The following GNRH1 variants were observed in gnomAD, a reference collection of about 807,000 sequenced individuals.
The protein encoded by GNRH1 is gonadotropin releasing hormone 1.
A neutral mutation model predicts 13.6 loss-of-function variants in GNRH1; 9 were observed. That is an observed-to-expected ratio of 0.66 (90% CI 0.40 to 1.15). The LOEUF (loss-of-function observed/expected upper bound fraction) is 1.15. Ranked by LOEUF, GNRH1 falls within the 50% of genes most tolerant of loss-of-function variation. GNRH1 has a pLI of 0.01. For missense variants in GNRH1, 116 were observed against 110.8 expected (o/e 1.05, Z -0.21); for synonymous variants, 44 against 40.1 (o/e 1.10, Z -0.37).
chr8:25,422,493 AG>A (rs1801786511), intron 2 of GNRH1, among the ~76,000 whole-genome samples: 2 of 152,204 alleles, frequency 1.3e-5, no homozygotes, highest in African/African-American at 4.8e-5. Flanking sequence ...GGCTGCAGTG[AG>A]CTGTGATCGT....
rs368837931 is a variant in GNRH1, at chr8:25,421,633, T to G, written c.177A>C (p.Gln59His). 6.2e-7 allele frequency: 1 copy of G among 1,605,268 alleles called. No homozygotes were observed. Among genetic ancestry groups the G allele is most frequent in the African/African-American group, 1.3e-5 (1 of 74,664 alleles). The change falls in exon 3 of 4, where the codon CAA becomes CAC. Residue 59 changes from glutamine to histidine, a missense_variant. By Grantham distance (24) the Gln-to-His change is conservative. Coordinates refer to ENST00000421054, the MANE Select transcript of GNRH1 (RefSeq NM_001083111.2). ...GCTGGTGCGTGGTGCATTCGAAGCGTTGGGTTTCTGCCAGTTGACCAACCT... is the reference window on the plus strand; with the variant it reads ...GCTGGTGCGTGGTGCATTCGAAGCGGTGGGTTTCTGCCAGTTGACCAACCT... ...VKEVGQLAET[Q>H]RFECTTHQPR...
At chr8:25,421,893 TATC>T (rs779374909) in intron 2 of GNRH1, among the ~76,000 whole-genome samples, 6 of 151,954 alleles carry the variant, frequency 3.9e-5, no homozygotes, top group Non-Finnish European at 7.4e-5. Flanking sequence ...AGTAAGAAGA[TATC>T]ATATTTTCCC....
chr8:25,421,774 G>T, intron 2 of GNRH1, 106 bp from the exon 3 acceptor site: 2 of 569,552 alleles, frequency 3.5e-6, no homozygotes, highest in Admixed American at 2.3e-5. Context: ...GGGATGTGGG[G>T]CTGGGGGAGA....
intron 1 of GNRH1, chr8:25,423,624 A>G: frequency 2.6e-6 from 1 of 387,330 alleles, no homozygotes; most frequent in Non-Finnish European, 4.8e-6. Context: ...CCCATAATTC[A>G]TCCCTTATCA....
chr8:25,419,838 T>G (rs934438768), intron 3 of GNRH1, among the ~76,000 whole-genome samples: 1 of 152,108 alleles, frequency 6.6e-6, no homozygotes, highest in Non-Finnish European at 1.5e-5. Flanking sequence ...GCCAGGCTGG[T>G]CTTGAACTCC....
intron 3 of GNRH1, among the ~76,000 whole-genome samples, chr8:25,420,638 T>G (rs1940318390): frequency 6.6e-6 from 1 of 151,624 alleles, no homozygotes; most frequent in African/African-American, 2.4e-5. Context: ...CACAGTGGCT[T>G]GCACCTTTAA....
At chr8:25,422,535 G>A (rs980972311) in intron 2 of GNRH1, among the ~76,000 whole-genome samples, 6 of 152,148 alleles carry the variant, frequency 3.9e-5, no homozygotes, top group Non-Finnish European at 5.9e-5. Flanking sequence ...ATAACACAGC[G>A]AGACCCTGTC....
chr8:25,421,670 T>A lies in GNRH1; in HGVS notation c.142-2A>T. ...CAGTTGACCAACCTCTTTGACTATC[T>A]GAAGAAAGAGAATGTGATGCTTTGA... On this transcript the variant is annotated splice_acceptor_variant, in intron 2 of 3. Transcript: ENST00000421054. LOFTEE classifies it high-confidence loss of function. The A allele has an allele frequency of 6.7e-7, 1 of 1,482,668 alleles. No homozygotes were observed. The highest frequency in any genetic ancestry group is 9.4e-7 in the Non-Finnish European group (1 of 1,064,750). The allele number at this position is 1,482,668 out of a possible 1,614,324, so 91.8% of individuals were successfully genotyped here.
At chr8:25,423,155 C>T (rs989059127) in intron 2 of GNRH1, 35 bp downstream of exon 2, 6 of 1,452,084 alleles carry the variant, frequency 4.1e-6, no homozygotes, top group Non-Finnish European at 4.8e-6. Flanking sequence ...TGAATAAAAT[C>T]ACTATGTCTT....
rs761398712 is a variant in GNRH1 at position 25,423,199 on chromosome 8, A to G, written c.132T>C (p.Ser44=). The change falls in exon 2 of 4, where the codon TCT becomes TCC. Residue 44 remains serine (S), a synonymous_variant. Transcript: ENST00000421054. ...GCTGAGAGAAACTTACCTCTTGGAAAGAATCAATCAAATTTTCGGCATCTC... is the reference window on the plus strand; with the variant it reads ...GCTGAGAGAAACTTACCTCTTGGAAGGAATCAATCAAATTTTCGGCATCTC... The part of the protein sequence containing the change: ...GKRDAENLID[S]FQEIVKEVGQ... The G allele has an allele frequency of 1.9e-6, 3 of 1,611,000 alleles. No individual in the cohort carries two copies. Among genetic ancestry groups the G allele is most frequent in the South Asian group, 1.1e-5 (1 of 91,026 alleles).
intron 3 of GNRH1, among the ~76,000 whole-genome samples, chr8:25,420,612 T>C (rs1333389777): frequency 6.6e-6 from 1 of 151,862 alleles, no homozygotes; most frequent in Non-Finnish European, 1.5e-5. Flanking sequence ...GAATCCAAGA[T>C]TCAACTTAAG....
intron 3 of GNRH1, 83 bp from the exon 4 acceptor site, chr8:25,419,543 T>C (rs1801745852): frequency 1.2e-6 from 1 of 802,046 alleles, no homozygotes; most frequent in Admixed American, 1.7e-5. Context: ...TTCTAAAATA[T>C]CAGTCTGGAA....
chr8:25,423,412 A>G (rs1269668486), intron 1 of GNRH1, 81 bp from the exon 2 acceptor site: 33 of 1,230,458 alleles, frequency 2.7e-5, no homozygotes, highest in Non-Finnish European at 3.3e-5. Context: ...TGAAAAAGCT[A>G]GCATCTGTAT....
rs777711696 is a variant in GNRH1, at chr8:25,422,205, G to A, written c.142-537C>T. Among the ~76,000 whole-genome samples, 81 of 152,026 alleles carry A rather than the reference G, an allele frequency of 5.3e-4. 1 individual carries two copies. Among genetic ancestry groups the A allele is most frequent in the Non-Finnish European group, 9.0e-4 (61 of 68,012 alleles). On this transcript the variant is annotated intron_variant, in intron 2 of 3. Coordinates refer to ENST00000421054, the MANE Select transcript of GNRH1 (RefSeq NM_001083111.2). ...AAAATTTTTCCCATTCTCAGTCCTA[G>A]GTTATTTTTCAGGTTAATCAGCTAA... is the stretch of plus-strand genomic sequence containing the variant.
In GNRH1 at chr8:25,419,463, G is replaced by GA. The variant is rs768055858; in HGVS notation, c.238-4dup. On this transcript the variant is annotated splice_region_variant and splice_polypyrimidine_tract_variant and intron_variant, in intron 3 of 3. Coordinates refer to ENST00000421054, the MANE Select transcript of GNRH1 (RefSeq NM_001083111.2). ...GTTTCCTCTTCAATCAGACTTTCCTGAAAAATATATAACAAATATATCAAG... is the reference window on the plus strand; with the variant it reads ...GTTTCCTCTTCAATCAGACTTTCCTGAAAAAATATATAACAAATATATCAAG... 5 of 1,382,898 alleles carry GA rather than the reference G, an allele frequency of 3.6e-6. No individual in the cohort carries two copies. The highest frequency in any genetic ancestry group is 5.2e-6 in the Non-Finnish European group (5 of 969,464). The allele number at this position is 1,382,898 out of a possible 1,614,324, so 85.7% of individuals were successfully genotyped here.
intron 3 of GNRH1, among the ~76,000 whole-genome samples, chr8:25,420,391 A>AAAT (rs1563240330): frequency 1.9e-5 from 1 of 52,456 alleles, no homozygotes; most frequent in African/African-American, 9.6e-5. Context: ...TCCAAAAAAA[A>AAAT]CGAAAAAGGA....
intron 2 of GNRH1, among the ~76,000 whole-genome samples, chr8:25,422,458 G>C (rs1016126349): frequency 2.6e-5 from 4 of 152,112 alleles, no homozygotes; most frequent in Non-Finnish European, 4.4e-5. Flanking sequence ...TGAGGTGGGA[G>C]GATCACTTGA....
intron 2 of GNRH1, among the ~76,000 whole-genome samples, chr8:25,422,524 G>C (rs1443001108): frequency 6.6e-6 from 1 of 152,152 alleles, no homozygotes; most frequent in Non-Finnish European, 1.5e-5. Context: ...TTCCAGCCTA[G>C]ATAACACAGC....
At chr8:25,421,480 G>C (rs1801770878) in intron 3 of GNRH1, 93 bp downstream of exon 3, 1 of 693,530 alleles carries the variant, frequency 1.4e-6, no homozygotes, top group East Asian at 2.7e-5. Flanking sequence ...AAGCCCCACA[G>C]TATCTGGGAG....
Sources: allele counts gnomAD v4.1 joint callset (sites outside exome capture counted in the v4.1 genomes callset), GRCh38; gene constraint gnomAD v4.1.1; transcripts MANE v1.5; gene names NCBI Gene and HGNC (gene_info 2026-07-23, HGNC 2026-07-21).